The following DOCK2 variants were observed in gnomAD, a reference collection of about 807,000 sequenced individuals.
DOCK2 encodes the protein dedicator of cytokinesis 2.
Under a neutral mutation model 248.9 loss-of-function variants are expected in DOCK2, and 87 were observed. The observed-to-expected ratio is 0.35, with a 90% CI of 0.29 to 0.42. The LOEUF (loss-of-function observed/expected upper bound fraction) is 0.42. Among genes scored for constraint, DOCK2 ranks in the 10% least tolerant of loss-of-function variants. The pLI, the probability that DOCK2 is intolerant of heterozygous loss-of-function variation, is 1.00. For missense variants in DOCK2, 1,747 were observed against 2,300.2 expected (o/e 0.76, Z 4.92); for synonymous variants, 805 against 821.6 (o/e 0.98, Z 0.35).
intron 22 of DOCK2, among the ~76,000 whole-genome samples, chr5:169,738,924 T>C (rs155239): frequency 0.32 from 48,837 of 152,110 alleles, 11,660 homozygotes; most frequent in African/African-American, 0.66. Context: ...GGTGGGCCCT[T>C]GGTCATCCTA....
intron 27 of DOCK2, among the ~76,000 whole-genome samples, chr5:169,894,972 G>A (rs1446411804): frequency 6.6e-6 from 1 of 152,118 alleles, no homozygotes; most frequent in Non-Finnish European, 1.5e-5. Context: ...ATTTCTTAAG[G>A]GGCCAAGAAC....
rs774024393 is a variant in DOCK2, at chr5:170,076,064, G to A, written c.4846G>A (p.Glu1616Lys). 4 of 1,605,738 alleles carry A rather than the reference G, an allele frequency of 2.5e-6. No individual in the cohort carries two copies. The highest frequency in any genetic ancestry group is 1.3e-5 in the African/African-American group (1 of 74,734). Residue 1616 changes from glutamate (E) to lysine (K), a missense_variant, in exon 47 of 52, where the codon GAG becomes AAG. By Grantham distance (56) the Glu-to-Lys change is moderately conservative. Transcript: ENST00000520908. ...FKNLKMKVEK[E>K]YGVREMPDFD... ...GAACCTGAAAATGAAGGTGGAGAAG[G>A]AGTACGGTGTCCGAGAGATGGTATG...
In DOCK2 at chr5:169,654,253, T is replaced by C. The variant is rs971891296; in HGVS notation, c.44-150T>C. Reference sequence around the variant, plus strand: ...GCCAGGCTGAGTCTGAAATAACTCTTGTGGCAGGCAATAGGTTTCTGTGTT... The same window carrying C: ...GCCAGGCTGAGTCTGAAATAACTCTCGTGGCAGGCAATAGGTTTCTGTGTT... On this transcript the variant is annotated intron_variant, in intron 1 of 51. Transcript: ENST00000520908. The C allele has an allele frequency of 6.5e-6, 5 of 771,870 alleles. No homozygotes were observed. In the African/African-American group the frequency reaches 7.0e-5, roughly 11 times the overall value. 47.8% of individuals were successfully genotyped at this position (771,870 alleles called of 1,614,324 possible).
chr5:169,648,280 C>T (rs1757584899), intron 1 of DOCK2, among the ~76,000 whole-genome samples: 1 of 152,072 alleles, frequency 6.6e-6, no homozygotes, highest in African/African-American at 2.4e-5. Context: ...AGCACTGACA[C>T]CCCCGACTCC....
At chr5:169,794,397 A>G (rs1766525778) in intron 25 of DOCK2, among the ~76,000 whole-genome samples, 1 of 152,196 alleles carries the variant, frequency 6.6e-6, no homozygotes, top group African/African-American at 2.4e-5. Context: ...CTAACCTAAG[A>G]CAACTATTAT....
Position 169,637,292 on chromosome 5 carries a change from T to G in DOCK2, c.-35T>G. 1 of 1,436,162 alleles carries G rather than the reference T, an allele frequency of 7.0e-7. No individual in the cohort carries two copies. Among genetic ancestry groups the G allele is most frequent in the Non-Finnish European group, 9.1e-7 (1 of 1,098,794 alleles). The allele number at this position is 1,436,162 out of a possible 1,614,324, so 89.0% of individuals were successfully genotyped here. A position where few individuals can be genotyped will look rare whatever the true frequency, so the allele number is the denominator to read the frequency against. ...CGGCGCCCAGCCACCCCCTGACGGC[T>G]TCCCCACGGGAGGACGCGAGGCCCC... On this transcript the variant is annotated 5_prime_UTR_variant, in exon 1 of 52. Coordinates refer to ENST00000520908, the MANE Select transcript of DOCK2 (RefSeq NM_004946.3).
chr5:169,867,320 C>T (rs1359705814), intron 27 of DOCK2, among the ~76,000 whole-genome samples: 1 of 152,130 alleles, frequency 6.6e-6, no homozygotes, highest in East Asian at 1.9e-4. Context: ...GAGGCCTGCT[C>T]CTGAGGCCTA....
intron 25 of DOCK2, among the ~76,000 whole-genome samples, chr5:169,776,648 A>G (rs535957554): frequency 3.3e-5 from 5 of 152,220 alleles, no homozygotes; most frequent in Admixed American, 1.3e-4. Context: ...ACCTTGAATT[A>G]TAATAACCCC....
chr5:170,056,808 C>T, intron 43 of DOCK2, 40 bp downstream of exon 43: 2 of 1,574,902 alleles, frequency 1.3e-6, no homozygotes, highest in Non-Finnish European at 1.7e-6. Flanking sequence ...CCTGGAGCCA[C>T]CTGGAGGAAC....
chr5:170,069,286 C>T, intron 46 of DOCK2, 66 bp downstream of exon 46: 2 of 1,539,214 alleles, frequency 1.3e-6, no homozygotes, highest in Non-Finnish European at 1.8e-6. Flanking sequence ...GGTTCACTTG[C>T]CCCACGCTAG....
chr5:170,067,559 A>G lies in DOCK2; in HGVS notation c.4517A>G (p.Asn1506Ser), dbSNP rs755601163. ...ENAIETMSTA[N>S]EKILMMINQY... is the part of the protein sequence containing the mutation. ...GCCATAGAAACCATGTCCACGGCCAATGAGAAGATCCTGATGATGATAAAC... is the reference window on the plus strand; with the variant it reads ...GCCATAGAAACCATGTCCACGGCCAGTGAGAAGATCCTGATGATGATAAAC... Residue 1506 changes from asparagine (N) to serine (S), a missense_variant, in exon 45 of 52, where the codon AAT becomes AGT. Asn to Ser is a conservative substitution (Grantham distance 46). Transcript: ENST00000520908. 1.7e-5 allele frequency: 27 copies of G among 1,614,204 alleles called. No individual in the cohort carries two copies. In the Middle Eastern group the frequency reaches 2.5e-3, roughly 148 times the overall value.
chr5:169,890,864 C>T (rs1367342489), intron 27 of DOCK2, among the ~76,000 whole-genome samples: 1 of 152,162 alleles, frequency 6.6e-6, no homozygotes, highest in African/African-American at 2.4e-5. Flanking sequence ...TGAGTGTCCC[C>T]CTCTCTTGTC....
chr5:169,782,766 C>T (rs1409946315), intron 25 of DOCK2, among the ~76,000 whole-genome samples: 3 of 152,198 alleles, frequency 2.0e-5, no homozygotes, highest in African/African-American at 7.2e-5. Flanking sequence ...CAATGCCATC[C>T]TGCTGCCTAC....
intron 32 of DOCK2, among the ~76,000 whole-genome samples, chr5:170,017,462 A>C (rs924323754): frequency 6.6e-6 from 1 of 152,190 alleles, no homozygotes; most frequent in Non-Finnish European, 1.5e-5. Context: ...CCTATCTGCT[A>C]CTTCTGATGC....
At chr5:169,827,015 G>C (rs368048548) in intron 26 of DOCK2, among the ~76,000 whole-genome samples, 1 of 147,728 alleles carries the variant, frequency 6.8e-6, no homozygotes, top group East Asian at 1.9e-4. Flanking sequence ...AGCGTGGCAC[G>C]TAGTGAGTCG....
chr5:169,775,986 A>G (rs927704171), intron 25 of DOCK2, among the ~76,000 whole-genome samples: 1 of 151,718 alleles, frequency 6.6e-6, no homozygotes, highest in Non-Finnish European at 1.5e-5. Context: ...GAAAAATGGC[A>G]TTTATTCTTT....
chr5:169,881,494 C>A, intron 27 of DOCK2: 2 of 1,412,586 alleles, frequency 1.4e-6, no homozygotes, highest in South Asian at 2.5e-5. Flanking sequence ...GTCACGTGGG[C>A]CACAAACATT....
At chr5:169,850,974 G>A (rs17646125) in intron 27 of DOCK2, among the ~76,000 whole-genome samples, 1,950 of 152,242 alleles carry the variant, frequency 0.013, 22 homozygotes, top group Non-Finnish European at 0.02. Context: ...CCGGTTGTTC[G>A]TTGTCCTTGT....
At chr5:169,671,261 C>A in intron 5 of DOCK2, 87 bp downstream of exon 5, 1 of 1,253,020 alleles carries the variant, frequency 8.0e-7, no homozygotes, top group Non-Finnish European at 1.2e-6. Flanking sequence ...TTGAGTCAGG[C>A]AGGTGGAGGT....
Sources: gnomAD v4.1 joint callset for allele counts (sites outside exome capture counted in the v4.1 genomes callset) on GRCh38, gnomAD v4.1.1 for gene constraint, MANE v1.5 for transcripts, NCBI Gene and HGNC (gene_info 2026-07-23, HGNC 2026-07-21) for gene names.